Variants in KIF26B observed in about 807,000 individuals in gnomAD.
The protein encoded by KIF26B is kinesin-like protein KIF26B.
In KIF26B, 63 loss-of-function variants were observed where a neutral mutation model predicts 151.2. That is an observed-to-expected ratio of 0.42 (90% CI 0.34 to 0.51). The LOEUF (loss-of-function observed/expected upper bound fraction) is 0.51. KIF26B is among the 20% of genes least tolerant of loss of function. KIF26B has a pLI of 0.07. For synonymous variants in KIF26B, 1,357 were observed against 1,262.1 expected, an observed-to-expected ratio of 1.08 and a Z score of -1.59; for missense variants, 2,813 against 2,913.6, an observed-to-expected ratio of 0.97 and a Z score of 0.79.
At chr1:245,452,798 G>A (rs1333903088) in intron 4 of KIF26B, among the ~76,000 whole-genome samples, 3 of 151,890 alleles carry the variant, frequency 2.0e-5, no homozygotes, top group Non-Finnish European at 4.4e-5. Context: ...TTATATTGTT[G>A]AGTTTTAGGA....
chr1:245,221,282 G>A (rs1669760635), intron 2 of KIF26B, among the ~76,000 whole-genome samples: 1 of 151,094 alleles, frequency 6.6e-6, no homozygotes, highest in African/African-American at 2.4e-5. Context: ...GCAAAACTTT[G>A]GAAAGAGTTT....
chr1:245,184,430 G>A (rs1668967126), intron 2 of KIF26B, among the ~76,000 whole-genome samples: 3 of 152,226 alleles, frequency 2.0e-5, no homozygotes, highest in South Asian at 4.1e-4. Context: ...CTTGGCGTTT[G>A]TGTGTACACA....
chr1:245,539,943 G>A (rs145710640), intron 4 of KIF26B, among the ~76,000 whole-genome samples: 69 of 152,284 alleles, frequency 4.5e-4, no homozygotes, highest in East Asian at 5.8e-4. Flanking sequence ...GTGAGCCACC[G>A]TGCCTGGCCA....
At chr1:245,478,490 C>T (rs374658538) in intron 4 of KIF26B, among the ~76,000 whole-genome samples, 1 of 140,762 alleles carries the variant, frequency 7.1e-6, no homozygotes, top group Non-Finnish European at 1.5e-5. Flanking sequence ...TGCGGTGGCG[C>T]GATCTCGGCT....
chr1:245,292,860 AC>A (rs1292456917), intron 2 of KIF26B, among the ~76,000 whole-genome samples: 2 of 151,944 alleles, frequency 1.3e-5, no homozygotes, highest in Admixed American at 6.6e-5. Context: ...TCCTAATGAA[AC>A]ATCTGCAGCC....
intron 2 of KIF26B, among the ~76,000 whole-genome samples, chr1:245,299,320 GTT>G (rs55957858): frequency 0.1 from 10,725 of 103,212 alleles, 318 homozygotes; most frequent in African/African-American, 0.15. Context: ...CCAATTCTGG[GTT>G]TTTTTTTTTT....
intron 3 of KIF26B, among the ~76,000 whole-genome samples, chr1:245,391,684 T>G (rs1673705649): frequency 6.6e-6 from 1 of 151,854 alleles, no homozygotes. Context: ...GAGAGAGATT[T>G]GTGAAAATGT....
chr1:245,297,662 C>T (rs185974527), intron 2 of KIF26B, among the ~76,000 whole-genome samples: 190 of 152,202 alleles, frequency 1.2e-3, no homozygotes, highest in African/African-American at 4.3e-3. Context: ...TAGGCTCTGC[C>T]TAAGGAAAAA....
chr1:245,395,621 C>G (rs1572040635), intron 3 of KIF26B, among the ~76,000 whole-genome samples: 2 of 152,276 alleles, frequency 1.3e-5, no homozygotes, highest in South Asian at 4.2e-4. Flanking sequence ...CTGGCAGATG[C>G]TATGAAATCA....
intron 10 of KIF26B, among the ~76,000 whole-genome samples, chr1:245,650,043 G>A (rs1440403659): frequency 2.0e-5 from 3 of 152,138 alleles, no homozygotes; most frequent in Admixed American, 6.5e-5. Context: ...CAGGCTTGCC[G>A]GCCAGTCCAG....
At chr1:245,622,525 G>A (rs2043674790) in intron 9 of KIF26B, among the ~76,000 whole-genome samples, 1 of 152,182 alleles carries the variant, frequency 6.6e-6, no homozygotes, top group South Asian at 2.1e-4. Flanking sequence ...CGCACCCCGA[G>A]TGCCACCTGC....
At chr1:245,191,580 G>T (rs1375543420) in intron 2 of KIF26B, among the ~76,000 whole-genome samples, 2 of 152,116 alleles carry the variant, frequency 1.3e-5, no homozygotes, top group Non-Finnish European at 2.9e-5. Context: ...TATCACAAGA[G>T]AAAATATAGA....
chr1:245,175,217 G>A (rs1668782196), intron 2 of KIF26B, among the ~76,000 whole-genome samples: 1 of 152,154 alleles, frequency 6.6e-6, no homozygotes, highest in South Asian at 2.1e-4. Context: ...AGAGGTGAAA[G>A]GCTACATATT....
At chr1:245,394,848 G>C (rs1179807967) in intron 3 of KIF26B, among the ~76,000 whole-genome samples, 1 of 151,802 alleles carries the variant, frequency 6.6e-6, no homozygotes, top group African/African-American at 2.4e-5. Flanking sequence ...TCGCCACCAC[G>C]CCTGGCTAAT....
chr1:245,167,192 T>A lies in KIF26B; in HGVS notation c.465+10509T>A, dbSNP rs1399320571. 6.6e-6 allele frequency among the ~76,000 whole-genome samples: 1 copy of A among 152,138 alleles called. No homozygotes were observed. The highest frequency in any genetic ancestry group is 1.5e-5 in the Non-Finnish European group (1 of 68,026). ...ACTTTCTTTTTATATAATTGTTTTT[T>A]TTTTTGCTTGAAAGCATGAGCTGCA... On this transcript the variant is annotated intron_variant, in intron 2 of 14. Coordinates refer to ENST00000407071, the MANE Select transcript of KIF26B (RefSeq NM_018012.4). This position sits in a 1 kb window ranked among gnomAD's most constrained non-coding sequence, Gnocchi z 4.2.
In KIF26B at chr1:245,577,222, G is replaced by T. The variant is rs113351987; in HGVS notation, c.1351-25355G>T. ...TGGACCAGATGTTTGTGTCGTAGGG[G>T]GATGCCTGGTGCACTGTAGGGCATT... On this transcript the variant is annotated intron_variant, in intron 5 of 14. Transcript: ENST00000407071. Among the ~76,000 whole-genome samples, 108 of 152,270 alleles carry T rather than the reference G, an allele frequency of 7.1e-4. 1 individual carries two copies. The Middle Eastern group carries it at 0.01, about 14-fold the overall frequency.
chr1:245,505,182 C>T (rs1472885984), intron 4 of KIF26B, among the ~76,000 whole-genome samples: 2 of 151,498 alleles, frequency 1.3e-5, no homozygotes, highest in African/African-American at 2.4e-5. Context: ...AAGTGATCCG[C>T]CTGCCTTGGC....
chr1:245,333,554 T>G (rs1322686347), intron 2 of KIF26B, among the ~76,000 whole-genome samples: 1 of 152,210 alleles, frequency 6.6e-6, no homozygotes, highest in Non-Finnish European at 1.5e-5. Context: ...CATGTGAATG[T>G]ACTTAATGCC....
intron 9 of KIF26B, among the ~76,000 whole-genome samples, chr1:245,636,126 G>GTAGA (rs1439851249): frequency 6.6e-6 from 1 of 152,094 alleles, no homozygotes; most frequent in Non-Finnish European, 1.5e-5. Flanking sequence ...TCTGTGTCAA[G>GTAGA]TAGATATTTG....
Sources: allele counts gnomAD v4.1 joint callset (sites outside exome capture counted in the v4.1 genomes callset), GRCh38; gene constraint gnomAD v4.1.1; non-coding constraint Gnocchi (gnomAD v3.1); transcripts MANE v1.5; gene names NCBI Gene and HGNC (gene_info 2026-07-23, HGNC 2026-07-21).